Variants in LUC7L2 observed in about 807,000 individuals in gnomAD.
LUC7L2 encodes the protein LUC7 like 2, pre-mRNA splicing factor.
A neutral mutation model predicts 52.8 loss-of-function variants in LUC7L2; 25 were observed. The ratio of observed to expected loss-of-function variants is 0.47; its 90% CI spans 0.34 to 0.66. LUC7L2 has a LOEUF of 0.66. Among genes scored for constraint, LUC7L2 ranks in the 30% least tolerant of loss-of-function variants. LUC7L2 has a pLI of 0.01. For synonymous variants in LUC7L2, 144 were observed against 160.9 expected (o/e 0.89, Z 0.80); for missense variants, 328 against 497.8 (o/e 0.66, Z 3.25).
chr7:139,395,772 C>T (rs1399718223), intron 2 of LUC7L2, among the ~76,000 whole-genome samples: 1 of 152,150 alleles, frequency 6.6e-6, no homozygotes, highest in East Asian at 1.9e-4. Flanking sequence ...TCCTCAGGAG[C>T]TGGGACCACA....
intron 3 of LUC7L2, among the ~76,000 whole-genome samples, chr7:139,399,386 G>A (rs946028704): frequency 6.7e-6 from 1 of 149,612 alleles, no homozygotes; most frequent in Non-Finnish European, 1.5e-5. Context: ...TTTGGTATCC[G>A]CTGGGTCTCC....
intron 2 of LUC7L2, among the ~76,000 whole-genome samples, chr7:139,396,088 C>A (rs1293410033): frequency 6.6e-6 from 1 of 152,152 alleles, no homozygotes; most frequent in Non-Finnish European, 1.5e-5. Flanking sequence ...TCTCATTTAT[C>A]TGGGAACTCC....
At chr7:139,402,909 A>C (rs1585120483) in intron 4 of LUC7L2, among the ~76,000 whole-genome samples, 1 of 152,032 alleles carries the variant, frequency 6.6e-6, no homozygotes, top group Non-Finnish European at 1.5e-5. Flanking sequence ...CCCTCATGTT[A>C]CCCCTTTTAT....
At chr7:139,379,787 A>G (rs1380898572) in intron 2 of LUC7L2, among the ~76,000 whole-genome samples, 1 of 149,834 alleles carries the variant, frequency 6.7e-6, no homozygotes, top group Admixed American at 6.7e-5. Flanking sequence ...GCTGGTTTTG[A>G]ACTCCTGACC....
At chr7:139,365,615 C>G (rs745421001) in intron 1 of LUC7L2, among the ~76,000 whole-genome samples, 2 of 151,982 alleles carry the variant, frequency 1.3e-5, no homozygotes, top group African/African-American at 4.8e-5. Flanking sequence ...AGAAGACAGG[C>G]AGATGGTTTA....
chr7:139,412,031 TA>T (rs2131303868), intron 7 of LUC7L2, among the ~76,000 whole-genome samples: 1 of 152,042 alleles, frequency 6.6e-6, no homozygotes, highest in Admixed American at 6.5e-5. Context: ...AGGAGATGCT[TA>T]TTAGGGCATT....
intron 5 of LUC7L2, among the ~76,000 whole-genome samples, chr7:139,406,717 C>G (rs961840348): frequency 3.9e-5 from 6 of 152,066 alleles, no homozygotes; most frequent in Non-Finnish European, 7.4e-5. Context: ...GAAAATCTCT[C>G]TAAGTTGTAT....
At chr7:139,381,161 A>T (rs988223547) in intron 2 of LUC7L2, among the ~76,000 whole-genome samples, 2 of 152,068 alleles carry the variant, frequency 1.3e-5, no homozygotes, top group African/African-American at 4.8e-5. Flanking sequence ...AATAAAAAAA[A>T]ACCACAGTAT....
intron 2 of LUC7L2, among the ~76,000 whole-genome samples, chr7:139,385,719 T>G (rs1302710075): frequency 6.6e-6 from 1 of 152,184 alleles, no homozygotes; most frequent in Non-Finnish European, 1.5e-5. Flanking sequence ...TTTTTCATAG[T>G]CTAGTACTGG....
upstream of LUC7L2, among the ~76,000 whole-genome samples, chr7:139,358,255 G>A (rs1799676687): frequency 6.6e-6 from 1 of 152,222 alleles, no homozygotes; most frequent in African/African-American, 2.4e-5. Context: ...TGATCCGCCC[G>A]CCTCTGCCTC....
chr7:139,359,879 G>C (rs1267934172), upstream of LUC7L2: 3 of 413,194 alleles, frequency 7.3e-6, no homozygotes, highest in Admixed American at 4.4e-5. Flanking sequence ...ACGACTGAGC[G>C]CGAGGAGCGT....
chr7:139,366,239 T>C (rs1223024149), intron 1 of LUC7L2, among the ~76,000 whole-genome samples: 3 of 152,246 alleles, frequency 2.0e-5, no homozygotes, highest in Non-Finnish European at 2.9e-5. Flanking sequence ...GTACAACTGA[T>C]GTTTGACTTA....
intron 5 of LUC7L2, among the ~76,000 whole-genome samples, chr7:139,406,448 G>A (rs1287878261): frequency 6.6e-6 from 1 of 150,916 alleles, no homozygotes; most frequent in East Asian, 2.0e-4. Context: ...TGCTTCCTGG[G>A]TTCAGGCGAT....
chr7:139,411,629 A>C (rs1314020054), intron 7 of LUC7L2, among the ~76,000 whole-genome samples: 1 of 152,218 alleles, frequency 6.6e-6, no homozygotes, highest in Admixed American at 6.5e-5. Flanking sequence ...TCATCCAAAA[A>C]AAAATAATAA....
intron 9 of LUC7L2, among the ~76,000 whole-genome samples, chr7:139,420,143 C>G (rs1278057829): frequency 6.6e-6 from 1 of 152,172 alleles, no homozygotes; most frequent in Non-Finnish European, 1.5e-5. Flanking sequence ...TTGCTCTGTT[C>G]AAACATGTTT....
chr7:139,388,509 A>C (rs1794302489), intron 2 of LUC7L2, among the ~76,000 whole-genome samples: 1 of 151,950 alleles, frequency 6.6e-6, no homozygotes, highest in Non-Finnish European at 1.5e-5. Context: ...CATGGGGGTC[A>C]GACTCCGTGT....
At chr7:139,378,542 T>C (rs537815929) in intron 2 of LUC7L2, among the ~76,000 whole-genome samples, 1 of 151,800 alleles carries the variant, frequency 6.6e-6, no homozygotes, top group Non-Finnish European at 1.5e-5. Flanking sequence ...ACCAGTGTAC[T>C]CTACCCTGGG....
upstream of LUC7L2, among the ~76,000 whole-genome samples, chr7:139,356,314 C>CAAAAA (rs10524961): frequency 8.4e-5 from 7 of 82,968 alleles, no homozygotes; most frequent in Admixed American, 1.5e-4. Context: ...GACCCTATCT[C>CAAAAA]AAAAAAAAAA....
chr7:139,393,195 A>T (rs1219727002), intron 2 of LUC7L2, among the ~76,000 whole-genome samples: 2 of 151,982 alleles, frequency 1.3e-5, no homozygotes, highest in Middle Eastern at 3.2e-3. Flanking sequence ...TGAACCTGGG[A>T]GGCAGAGGTT....
Sources: gnomAD v4.1 joint callset for allele counts (sites outside exome capture counted in the v4.1 genomes callset) on GRCh38, gnomAD v4.1.1 for gene constraint, MANE v1.5 for transcripts, NCBI Gene and HGNC (gene_info 2026-07-23, HGNC 2026-07-21) for gene names.